The following GOLPH3 variants were observed in gnomAD, a reference collection of about 807,000 sequenced individuals.
GOLPH3 encodes coat protein GPP34.
In GOLPH3, 14 loss-of-function variants were observed where a neutral mutation model predicts 28.5. That is an observed-to-expected ratio of 0.49 (90% confidence interval 0.32 to 0.77). The LOEUF (loss-of-function observed/expected upper bound fraction) is 0.77. Among genes scored for constraint, GOLPH3 ranks in the 30% least tolerant of loss-of-function variants. The probability of loss-of-function intolerance (pLI) is 0.03; values close to 1 mark genes in which losing one functional copy is unlikely to be tolerated. For synonymous variants in GOLPH3, 158 were observed against 159.2 expected (o/e 0.99, Z 0.06); for missense variants, 350 against 393.7 (o/e 0.89, Z 0.94).
intron 3 of GOLPH3, among the ~76,000 whole-genome samples, chr5:32,127,716 A>G (rs1745714694): frequency 6.6e-6 from 1 of 152,194 alleles, no homozygotes; most frequent in Non-Finnish European, 1.5e-5. Context: ...ATTCAACTGG[A>G]CAGAGACACA....
At chr5:32,167,724 G>A (rs1164258393) in intron 1 of GOLPH3, among the ~76,000 whole-genome samples, 1 of 148,712 alleles carries the variant, frequency 6.7e-6, no homozygotes, top group East Asian at 2.0e-4. Flanking sequence ...GCCAAGGCGG[G>A]AAGATTGCTT....
intron 1 of GOLPH3, among the ~76,000 whole-genome samples, chr5:32,147,253 A>G (rs1746197547): frequency 6.6e-6 from 1 of 152,206 alleles, no homozygotes; most frequent in Admixed American, 6.5e-5. Context: ...TAAACTCAGC[A>G]CTTCCCAAAC....
At chr5:32,168,989 A>G (rs1746774056) in intron 1 of GOLPH3, among the ~76,000 whole-genome samples, 2 of 151,712 alleles carry the variant, frequency 1.3e-5, no homozygotes, top group Non-Finnish European at 2.9e-5. Flanking sequence ...ACAACAAAAA[A>G]AAAAACAGGT....
At chr5:32,134,867 GAAT>G (rs1439858357) in intron 3 of GOLPH3, 1 of 150,036 alleles carries the variant, frequency 6.7e-6, no homozygotes, top group African/African-American at 2.5e-5. Context: ...ACTGACAGAA[GAAT>G]AATCCAATAG....
chr5:32,172,532 T>A (rs1047591888), intron 1 of GOLPH3, among the ~76,000 whole-genome samples: 1 of 152,026 alleles, frequency 6.6e-6, no homozygotes, highest in Non-Finnish European at 1.5e-5. Context: ...CCGTCTCTAC[T>A]AAAGGTATGA....
At chr5:32,150,002 A>C (rs1269992976) in intron 1 of GOLPH3, among the ~76,000 whole-genome samples, 1 of 152,050 alleles carries the variant, frequency 6.6e-6, no homozygotes, top group Non-Finnish European at 1.5e-5. Context: ...AAAAAAAAGT[A>C]GTAAAACTGC....
At chr5:32,141,997 C>T (rs923735964) in intron 2 of GOLPH3, among the ~76,000 whole-genome samples, 21 of 152,166 alleles carry the variant, frequency 1.4e-4, no homozygotes, top group Non-Finnish European at 2.1e-4. Flanking sequence ...CCCAAAGTGC[C>T]GAGACTGCAG....
chr5:32,148,096 T>C (rs986772963), intron 1 of GOLPH3, among the ~76,000 whole-genome samples: 13 of 152,172 alleles, frequency 8.5e-5, no homozygotes, highest in African/African-American at 1.2e-4. Context: ...CAGGTGTGGA[T>C]TGCAGCAAGC....
intron 3 of GOLPH3, among the ~76,000 whole-genome samples, chr5:32,128,219 T>C (rs991917153): frequency 1.3e-5 from 2 of 152,136 alleles, no homozygotes; most frequent in Non-Finnish European, 1.5e-5. Flanking sequence ...TCAGTAGAGC[T>C]GGGAAAAATG....
intron 2 of GOLPH3, among the ~76,000 whole-genome samples, chr5:32,139,781 A>T (rs539019117): frequency 1.2e-4 from 19 of 152,362 alleles, no homozygotes; most frequent in African/African-American, 3.8e-4. Flanking sequence ...TCAAAAAGAG[A>T]AAATAAGAAC....
chr5:32,147,979 G>A (rs1022340512), intron 1 of GOLPH3, among the ~76,000 whole-genome samples: 3 of 152,240 alleles, frequency 2.0e-5, no homozygotes, highest in East Asian at 3.9e-4. Context: ...CACAACCCCT[G>A]GCAATTAGTA....
intron 1 of GOLPH3, among the ~76,000 whole-genome samples, chr5:32,161,066 CAAAAAAAA>C (rs34874287): frequency 4.0e-4 from 24 of 60,052 alleles, no homozygotes; most frequent in Non-Finnish European, 5.4e-4. Context: ...GACTCCGTCT[CAAAAAAAA>C]AAAAAAAAAA....
intron 1 of GOLPH3, among the ~76,000 whole-genome samples, chr5:32,166,708 T>G (rs1479693020): frequency 6.6e-6 from 1 of 151,702 alleles, no homozygotes; most frequent in Non-Finnish European, 1.5e-5. Context: ...CTTGGGAGGC[T>G]GAGGCAGGAG....
intron 2 of GOLPH3, among the ~76,000 whole-genome samples, chr5:32,137,625 C>T (rs1745965276): frequency 6.6e-6 from 1 of 152,030 alleles, no homozygotes; most frequent in African/African-American, 2.4e-5. Flanking sequence ...CACCTTTGCA[C>T]TCCAGCCTGG....
At chr5:32,145,700 G>C (rs1374961303) in intron 1 of GOLPH3, among the ~76,000 whole-genome samples, 1 of 152,178 alleles carries the variant, frequency 6.6e-6, no homozygotes, top group African/African-American at 2.4e-5. Flanking sequence ...ATTGCTCCTA[G>C]AGTAATGGCA....
chr5:32,168,445 C>G (rs750024141), intron 1 of GOLPH3, among the ~76,000 whole-genome samples: 3 of 152,116 alleles, frequency 2.0e-5, no homozygotes, highest in Non-Finnish European at 4.4e-5. Flanking sequence ...CCTCAAGTAC[C>G]TACTTATTTT....
intron 1 of GOLPH3, among the ~76,000 whole-genome samples, chr5:32,150,807 A>G (rs973814526): frequency 6.6e-6 from 1 of 152,194 alleles, no homozygotes; most frequent in African/African-American, 2.4e-5. Flanking sequence ...AGCATTTACA[A>G]TTTCAGATTT....
intron 1 of GOLPH3, among the ~76,000 whole-genome samples, chr5:32,155,980 AAAAAAAAAAAAAAAG>A (rs1746414960): frequency 7.6e-6 from 1 of 131,732 alleles, no homozygotes; most frequent in Non-Finnish European, 1.5e-5. Flanking sequence ...AAAAAAAAAA[AAAAAAAAAAAAAAAG>A]ATTCTAACCC....
In GOLPH3 at chr5:32,146,451, T is replaced by A. The variant is rs1030604109; in HGVS notation, c.226-2571A>T. 5.3e-5 allele frequency among the ~76,000 whole-genome samples: 8 copies of A among 152,234 alleles called. 2 individuals carry two copies. Among genetic ancestry groups the A allele is most frequent in the Admixed American group, 5.2e-4 (8 of 15,286 alleles). On this transcript the variant is annotated intron_variant, in intron 1 of 3. Transcript: ENST00000265070. ...TGGGCCATACACTACCAGACCTCCA[T>A]CTGCCTGATTCCCTTTATTCTTTCA...
Sources: allele counts gnomAD v4.1 joint callset (sites outside exome capture counted in the v4.1 genomes callset), GRCh38; gene constraint gnomAD v4.1.1; transcripts MANE v1.5; gene names NCBI Gene and HGNC (gene_info 2026-07-23, HGNC 2026-07-21).